The following PCNX2 variants were observed in gnomAD, a reference collection of about 807,000 sequenced individuals.
PCNX2 encodes the protein pecanex 2, also known as pecanex-like protein 2.
In PCNX2, 168 loss-of-function variants were observed where a neutral mutation model predicts 223.8. The observed-to-expected ratio is 0.75, with a 90% CI of 0.66 to 0.85. PCNX2 has a LOEUF of 0.85. PCNX2 is among the 40% of genes least tolerant of loss of function. The pLI is 0.00. For missense variants in PCNX2, 2,507 were observed against 2,675.5 expected, an observed-to-expected ratio of 0.94 and a Z score of 1.39; for synonymous variants, 1,006 against 1,052.6, an observed-to-expected ratio of 0.96 and a Z score of 0.86.
rs537302126 is a variant in PCNX2, at chr1:233,047,983, A to T, written c.4351+6285T>A. Among the ~76,000 whole-genome samples the T allele has an allele frequency of 1.4e-3, 211 of 152,172 alleles. 1 individual carries two copies. Among genetic ancestry groups the T allele is most frequent in the South Asian group, 3.7e-3 (18 of 4,816 alleles). On this transcript the variant is annotated intron_variant, in intron 25 of 33. Coordinates refer to ENST00000258229, the MANE Select transcript of PCNX2 (RefSeq NM_014801.4). ...CCATAAAGCAAGTCTCAATAAATTT[A>T]AAAAAAATGGAAATAATATCATCCA...
chr1:233,167,736 G>C, intron 17 of PCNX2: 1 of 984,442 alleles, frequency 1.0e-6, no homozygotes, highest in Non-Finnish European at 1.2e-6. Flanking sequence ...AAGGAATCTT[G>C]TAAAACACCT....
At chr1:233,045,923 C>T (rs149968542) in intron 25 of PCNX2, among the ~76,000 whole-genome samples, 22 of 152,378 alleles carry the variant, frequency 1.4e-4, no homozygotes, top group African/African-American at 5.3e-4. Flanking sequence ...GCTGCAAAGC[C>T]TGCTTTGCTA....
At chr1:233,213,777 G>T (rs538059566) in intron 12 of PCNX2, among the ~76,000 whole-genome samples, 2 of 143,142 alleles carry the variant, frequency 1.4e-5, no homozygotes, top group East Asian at 4.3e-4. Flanking sequence ...ATACGCTAAA[G>T]CCTGCACCAG....
At chr1:233,267,191 C>T (rs1231897012) in intron 1 of PCNX2, among the ~76,000 whole-genome samples, 8 of 152,100 alleles carry the variant, frequency 5.3e-5, no homozygotes, top group African/African-American at 1.9e-4. Context: ...GTGGTGCATG[C>T]TTGAAATCCC....
intron 25 of PCNX2, among the ~76,000 whole-genome samples, chr1:233,050,312 G>A (rs190759966): frequency 2.4e-3 from 356 of 150,980 alleles, no homozygotes; most frequent in Non-Finnish European, 4.0e-3. Context: ...ATTTTTCACA[G>A]AGCTAGAAAA....
chr1:233,085,386 T>A (rs1267179147), intron 23 of PCNX2, among the ~76,000 whole-genome samples: 1 of 149,844 alleles, frequency 6.7e-6, no homozygotes, highest in African/African-American at 2.4e-5. Context: ...CCATTAGGCA[T>A]ACAAAAATGA....
At chr1:233,285,472 G>A (rs1482673639) in intron 1 of PCNX2, among the ~76,000 whole-genome samples, 2 of 151,958 alleles carry the variant, frequency 1.3e-5, no homozygotes, top group Non-Finnish European at 2.9e-5. Context: ...TCAGGAGTTC[G>A]AGACCAGCCT....
intron 9 of PCNX2, among the ~76,000 whole-genome samples, chr1:233,235,692 C>A (rs1658343164): frequency 6.6e-6 from 1 of 152,076 alleles, no homozygotes; most frequent in South Asian, 2.1e-4. Flanking sequence ...ACCTCCGCCT[C>A]CTGAGTTCAA....
At chr1:233,195,234 T>C (rs1323841115) in intron 15 of PCNX2, among the ~76,000 whole-genome samples, 1 of 152,126 alleles carries the variant, frequency 6.6e-6, no homozygotes, top group South Asian at 2.1e-4. Context: ...GTCTTCTCAA[T>C]AGATGCAGAA....
chr1:233,314,825 G>A, the PCNX2 span, among the ~76,000 whole-genome samples: 2 of 152,088 alleles, frequency 1.3e-5, no homozygotes, highest in African/African-American at 4.8e-5. Context: ...ACCCCTGAAA[G>A]GGATACTTAC....
chr1:233,272,130 T>C (rs1660668008), intron 1 of PCNX2, among the ~76,000 whole-genome samples: 1 of 152,096 alleles, frequency 6.6e-6, no homozygotes, highest in Non-Finnish European at 1.5e-5. Flanking sequence ...CAAAAGCAAT[T>C]GTAAATAAGT....
intron 32 of PCNX2, among the ~76,000 whole-genome samples, chr1:232,988,630 C>T (rs1218616087): frequency 1.3e-5 from 2 of 152,168 alleles, no homozygotes; most frequent in African/African-American, 2.4e-5. Context: ...GGTTTATTAT[C>T]GTGGCACTTA....
intron 23 of PCNX2, chr1:233,086,949 T>C (rs1460113580): frequency 9.3e-6 from 8 of 858,358 alleles, no homozygotes; most frequent in Non-Finnish European, 1.1e-5. Flanking sequence ...CCTAGAGCTA[T>C]GTGTGGGCAG....
At chr1:233,229,625 C>T (rs941159691) in intron 9 of PCNX2, among the ~76,000 whole-genome samples, 2 of 152,086 alleles carry the variant, frequency 1.3e-5, no homozygotes, top group Admixed American at 1.3e-4. Context: ...GAGAGCATTC[C>T]TTCCAATAGG....
rs1441969680 is a variant in PCNX2, at chr1:233,253,791, C to A, written c.1835-1003G>T. ...TTTTATTTTTTGCATTTTTTGAATCCTCTTTAAACAACAAACCACTAAGGG... is the reference window on the plus strand; with the variant it reads ...TTTTATTTTTTGCATTTTTTGAATCATCTTTAAACAACAAACCACTAAGGG... On this transcript the variant is annotated intron_variant, in intron 5 of 33. Coordinates refer to ENST00000258229, the MANE Select transcript of PCNX2 (RefSeq NM_014801.4). This position sits in a 1 kb window ranked among gnomAD's most constrained non-coding sequence, Gnocchi z 4.2. 6.6e-6 allele frequency among the ~76,000 whole-genome samples: 1 copy of A among 152,080 alleles called. No individual in the cohort carries two copies. Among genetic ancestry groups the A allele is most frequent in the Non-Finnish European group, 1.5e-5 (1 of 68,008 alleles).
intron 13 of PCNX2, chr1:233,201,347 T>G (rs1681103672): frequency 6.6e-6 from 1 of 152,210 alleles, no homozygotes; most frequent in South Asian, 2.1e-4. Context: ...AAGCAGTTTA[T>G]TTCTCAACCA....
intron 25 of PCNX2, chr1:233,033,266 A>C (rs1438200640): frequency 1.1e-6 from 1 of 899,710 alleles, no homozygotes; most frequent in Non-Finnish European, 1.3e-6. Flanking sequence ...AGAAGGAATA[A>C]ACTTAATCTA....
chr1:233,072,960 T>C (rs1672922445), intron 23 of PCNX2, among the ~76,000 whole-genome samples: 1 of 152,256 alleles, frequency 6.6e-6, no homozygotes, highest in Non-Finnish European at 1.5e-5. Flanking sequence ...TTGGTGTTAA[T>C]TCTTCTTTCA....
chr1:233,151,686 A>T (rs1285852), intron 19 of PCNX2, among the ~76,000 whole-genome samples: 103,410 of 151,602 alleles, frequency 0.68, 35,866 homozygotes, highest in African/African-American at 0.82. Flanking sequence ...TTATTTATTT[A>T]TTTTTGAGAC....
Sources: allele counts gnomAD v4.1 joint callset (sites outside exome capture counted in the v4.1 genomes callset), GRCh38; gene constraint gnomAD v4.1.1; non-coding constraint Gnocchi (gnomAD v3.1); transcripts MANE v1.5; gene names NCBI Gene and HGNC (gene_info 2026-07-23, HGNC 2026-07-21).